Variants in ASIC2 observed in about 807,000 individuals in gnomAD.
The protein encoded by ASIC2 is acid-sensing ion channel 2.
In ASIC2, 25 loss-of-function variants were observed where a neutral mutation model predicts 57.3. The observed-to-expected ratio is 0.44, with a 90% CI of 0.32 to 0.61. The LOEUF is 0.61. Among genes scored for constraint, ASIC2 ranks in the 20% least tolerant of loss-of-function variants. The pLI is 0.06. For missense variants in ASIC2, 641 were observed against 738.1 expected, an observed-to-expected ratio of 0.87 and a Z score of 1.52; for synonymous variants, 319 against 307.5, an observed-to-expected ratio of 1.04 and a Z score of -0.39.
At chr17:33,749,575 C>T (rs529347926) in intron 1 of ASIC2, among the ~76,000 whole-genome samples, 3 of 152,112 alleles carry the variant, frequency 2.0e-5, no homozygotes, top group African/African-American at 7.2e-5. Context: ...GCTGGCTGTC[C>T]CCATCTGGAC....
chr17:33,584,785 G>T (rs1470620077), intron 1 of ASIC2, among the ~76,000 whole-genome samples: 3 of 152,092 alleles, frequency 2.0e-5, no homozygotes, highest in African/African-American at 7.2e-5. Flanking sequence ...GTTCGTAGGA[G>T]AAGGATTCGG....
At chr17:33,540,753 C>T (rs1915382872) in intron 1 of ASIC2, among the ~76,000 whole-genome samples, 1 of 152,104 alleles carries the variant, frequency 6.6e-6, no homozygotes, top group South Asian at 2.1e-4. Context: ...TCTTATTATT[C>T]ACTGGGACCT....
In ASIC2 at chr17:33,421,299, C is replaced by T. The variant is rs1254925725; in HGVS notation, c.556-309232G>A. On this transcript the variant is annotated intron_variant, in intron 1 of 9. Coordinates refer to the ASIC2 transcript ENST00000359872. ...TTTTGTTCAGGACTAATATTTCTTCCCAAAACAGGGATGTAATGAGCTGAT... is the reference window on the plus strand; with the variant it reads ...TTTTGTTCAGGACTAATATTTCTTCTCAAAACAGGGATGTAATGAGCTGAT... Among the ~76,000 whole-genome samples the T allele has an allele frequency of 3.3e-5, 5 of 152,050 alleles. No homozygotes were observed. The East Asian group carries it at 9.6e-4, about 29-fold the overall frequency.
chr17:34,067,476 A>G (rs1453337085), intron 1 of ASIC2, among the ~76,000 whole-genome samples: 1 of 152,214 alleles, frequency 6.6e-6, no homozygotes, highest in Non-Finnish European at 1.5e-5. Context: ...GAGTGTGGAA[A>G]AGAGACTGTT....
intron 1 of ASIC2, among the ~76,000 whole-genome samples, chr17:33,303,093 G>C (rs1906023962): frequency 6.6e-6 from 1 of 152,216 alleles, no homozygotes; most frequent in African/African-American, 2.4e-5. Flanking sequence ...AAAGTTAACT[G>C]CCTGGGGTCA....
At chr17:34,066,792 T>A (rs1909188373) in intron 1 of ASIC2, among the ~76,000 whole-genome samples, 2 of 152,166 alleles carry the variant, frequency 1.3e-5, no homozygotes. Context: ...TGGTTGGGCA[T>A]GGAGATGTGA....
intron 1 of ASIC2, among the ~76,000 whole-genome samples, chr17:33,249,201 T>A (rs1057191326): frequency 6.6e-6 from 1 of 151,592 alleles, no homozygotes; most frequent in Non-Finnish European, 1.5e-5. Flanking sequence ...GATGAAGGTG[T>A]CCTCACCGAG....
chr17:33,525,269 C>A (rs1212650136), intron 1 of ASIC2, among the ~76,000 whole-genome samples: 1 of 152,176 alleles, frequency 6.6e-6, no homozygotes, highest in Non-Finnish European at 1.5e-5. Context: ...GTAGGGCGGA[C>A]ACGAGAGAGT....
chr17:33,654,591 A>G (rs1320540527), intron 1 of ASIC2, among the ~76,000 whole-genome samples: 2 of 152,276 alleles, frequency 1.3e-5, no homozygotes, highest in African/African-American at 4.8e-5. Flanking sequence ...CATTATTTAT[A>G]GACACCATTG....
chr17:33,107,283 G>T (rs2092238823), intron 2 of ASIC2, among the ~76,000 whole-genome samples: 1 of 152,136 alleles, frequency 6.6e-6, no homozygotes, highest in Non-Finnish European at 1.5e-5. Flanking sequence ...CCATGAAAAC[G>T]AAGGTTTCTG....
Position 34,155,072 on chromosome 17 carries a change from C to T in ASIC2, c.555+906G>A, listed in dbSNP as rs115234410. On this transcript the variant is annotated intron_variant, in intron 1 of 9. Transcript: ENST00000359872. Reference sequence around the variant, plus strand: ...CCCTCCGCTTTTCCTCTTTACTCAGCTCCACACTCCTCCCCCAGGCTTTCC... The same window carrying T: ...CCCTCCGCTTTTCCTCTTTACTCAGTTCCACACTCCTCCCCCAGGCTTTCC... Among the ~76,000 whole-genome samples, 700 of 152,116 alleles carry T rather than the reference C, an allele frequency of 4.6e-3. 5 individuals carry two copies. The highest frequency in any genetic ancestry group is 0.016 in the African/African-American group (660 of 41,492).
At chr17:34,102,955 TATTTC>T (rs1172677913) in intron 1 of ASIC2, among the ~76,000 whole-genome samples, 1 of 152,264 alleles carries the variant, frequency 6.6e-6, no homozygotes, top group East Asian at 1.9e-4. Context: ...TGTGAGCTGA[TATTTC>T]ATTGTTCAAG....
At chr17:33,679,097 G>A (rs1907919923) in intron 1 of ASIC2, among the ~76,000 whole-genome samples, 1 of 152,214 alleles carries the variant, frequency 6.6e-6, no homozygotes, top group Admixed American at 6.5e-5. Flanking sequence ...CTGTTGGATA[G>A]TAGCTTTGCA....
chr17:33,149,730 G>A (rs1052358144), intron 1 of ASIC2, among the ~76,000 whole-genome samples: 1 of 152,128 alleles, frequency 6.6e-6, no homozygotes, highest in African/African-American at 2.4e-5. Context: ...TAAAATATGG[G>A]ACATCACTAT....
intron 1 of ASIC2, chr17:34,006,188 C>T (rs2063620606): frequency 6.6e-6 from 1 of 152,246 alleles, no homozygotes; most frequent in African/African-American, 2.4e-5. Flanking sequence ...TTCTCTGAGG[C>T]GATGGCATTT....
At chr17:34,112,100 T>G (rs938995493) in intron 1 of ASIC2, among the ~76,000 whole-genome samples, 7 of 152,138 alleles carry the variant, frequency 4.6e-5, no homozygotes, top group African/African-American at 1.7e-4. Context: ...AAAGTTGTAT[T>G]TGAAGAAAGA....
chr17:34,032,141 C>A (rs905128692), intron 1 of ASIC2, among the ~76,000 whole-genome samples: 1 of 152,140 alleles, frequency 6.6e-6, no homozygotes, highest in African/African-American at 2.4e-5. Context: ...AAAGGGAAAC[C>A]CATCAGACTA....
At chr17:33,152,970 G>T (rs1340234664) in intron 1 of ASIC2, among the ~76,000 whole-genome samples, 1 of 152,194 alleles carries the variant, frequency 6.6e-6, no homozygotes, top group Non-Finnish European at 1.5e-5. Context: ...TTCTCTTCCT[G>T]AGAAGAAATC....
intron 1 of ASIC2, among the ~76,000 whole-genome samples, chr17:33,985,045 T>C (rs1027885766): frequency 3.9e-5 from 6 of 152,194 alleles, no homozygotes; most frequent in Admixed American, 1.3e-4. Flanking sequence ...ATGTGAGTGA[T>C]AAACATATGG....
Sources: allele counts gnomAD v4.1 joint callset (sites outside exome capture counted in the v4.1 genomes callset), GRCh38; gene constraint gnomAD v4.1.1; transcripts MANE v1.5; gene names NCBI Gene and HGNC (gene_info 2026-07-23, HGNC 2026-07-21).